CADPS2: variants seen among roughly 807,000 people sequenced by gnomAD.
CADPS2 encodes the protein calcium-dependent secretion activator 2.
Under a neutral mutation model 172.5 loss-of-function variants are expected in CADPS2, and 93 were observed. The ratio of observed to expected loss-of-function variants is 0.54; its 90% CI spans 0.46 to 0.64. CADPS2 has a LOEUF of 0.64. Ranked by LOEUF, CADPS2 falls within the 30% of genes least tolerant of loss-of-function variation. The pLI, the probability that CADPS2 is intolerant of heterozygous loss-of-function variation, is 0.00. For missense variants in CADPS2, 1,420 were observed against 1,565.9 expected, an observed-to-expected ratio of 0.91 and a Z score of 1.57; for synonymous variants, 546 against 555.2, an observed-to-expected ratio of 0.98 and a Z score of 0.23.
chr7:122,848,585 G>C (rs1363242777), intron 1 of CADPS2, among the ~76,000 whole-genome samples: 1 of 152,186 alleles, frequency 6.6e-6, no homozygotes, highest in Non-Finnish European at 1.5e-5. Context: ...TCAGATACTA[G>C]AAAGAGGCAA....
chr7:122,820,402 G>A (rs1025263382), intron 1 of CADPS2, among the ~76,000 whole-genome samples: 1 of 151,818 alleles, frequency 6.6e-6, no homozygotes, highest in Non-Finnish European at 1.5e-5. Context: ...AATTGCATCC[G>A]ACTGATCTCT....
intron 2 of CADPS2, among the ~76,000 whole-genome samples, chr7:122,697,408 T>C (rs2085289572): frequency 6.6e-6 from 1 of 152,220 alleles, no homozygotes; most frequent in East Asian, 1.9e-4. Flanking sequence ...TCAAACTTAA[T>C]TGATACTTTC....
intron 25 of CADPS2, among the ~76,000 whole-genome samples, chr7:122,376,975 T>C (rs1456389357): frequency 3.9e-5 from 6 of 152,266 alleles, no homozygotes; most frequent in South Asian, 4.1e-4. Context: ...TCATCTCTTA[T>C]AGAAGCTTGA....
Position 122,490,069 on chromosome 7 carries a change from A to G in CADPS2, c.1852+12T>C, listed in dbSNP as rs765201152. The G allele has an allele frequency of 3.7e-6, 6 of 1,611,240 alleles. No individual in the cohort carries two copies. Among genetic ancestry groups the G allele is most frequent in the Non-Finnish European group, 5.1e-6 (6 of 1,178,068 alleles). ...TTAATTGATAATCAAATTATTTTTT[A>G]ACAAAACTTACAAAGCTGAGCATCT... is the stretch of plus-strand genomic sequence containing the variant. On this transcript the variant is annotated intron_variant, in intron 11 of 29. Transcript: ENST00000449022.
intron 16 of CADPS2, among the ~76,000 whole-genome samples, chr7:122,440,984 T>A (rs906554229): frequency 1.2e-4 from 19 of 152,160 alleles, no homozygotes; most frequent in African/African-American, 4.6e-4. Context: ...TGTTTGCTGG[T>A]TATTTTGTGG....
At chr7:122,841,135 AATGCCTAT>A (rs1335073674) in intron 1 of CADPS2, among the ~76,000 whole-genome samples, 1 of 152,198 alleles carries the variant, frequency 6.6e-6, no homozygotes, top group Non-Finnish European at 1.5e-5. Context: ...CTTTTTAGTT[AATGCCTAT>A]ATTTCTTGGA....
At chr7:122,617,169 T>C (rs370794040) in intron 5 of CADPS2, among the ~76,000 whole-genome samples, 3 of 152,144 alleles carry the variant, frequency 2.0e-5, no homozygotes, top group African/African-American at 7.2e-5. Context: ...TCCTAAAACA[T>C]ACAACTTGTG....
At chr7:122,391,962 TCTTA>T (rs1222327349) in intron 22 of CADPS2, among the ~76,000 whole-genome samples, 1 of 152,134 alleles carries the variant, frequency 6.6e-6, no homozygotes, top group Non-Finnish European at 1.5e-5. Context: ...AAGTTTGGTT[TCTTA>T]GTTTCTTTAT....
At chr7:122,780,211 G>A (rs1255812099) in intron 1 of CADPS2, among the ~76,000 whole-genome samples, 1 of 151,788 alleles carries the variant, frequency 6.6e-6, no homozygotes. Context: ...TTTACCATGT[G>A]CACTTGTTTT....
At chr7:122,638,189 C>A (rs2077257856) in intron 3 of CADPS2, among the ~76,000 whole-genome samples, 1 of 152,166 alleles carries the variant, frequency 6.6e-6, no homozygotes, top group Non-Finnish European at 1.5e-5. Context: ...CTCCCTAAGG[C>A]AGAGACTGTG....
chr7:122,426,807 T>C (rs939643201), intron 17 of CADPS2, among the ~76,000 whole-genome samples: 2 of 152,184 alleles, frequency 1.3e-5, no homozygotes, highest in Non-Finnish European at 2.9e-5. Flanking sequence ...TCTCTGGAGA[T>C]TGACAAATTC....
At chr7:122,513,474 C>T (rs1427517978) in intron 8 of CADPS2, among the ~76,000 whole-genome samples, 159 bp from the exon 9 acceptor site, 2 of 152,170 alleles carry the variant, frequency 1.3e-5, no homozygotes, top group African/African-American at 4.8e-5. Flanking sequence ...TTCTGTGATA[C>T]AAAATGAGTT....
chr7:122,442,395 G>T (rs2051472127), intron 15 of CADPS2, among the ~76,000 whole-genome samples: 1 of 152,142 alleles, frequency 6.6e-6, no homozygotes, highest in South Asian at 2.1e-4. Context: ...CAGGACTGCA[G>T]TTCCCACCTC....
At chr7:122,800,640 A>G (rs1370970776) in intron 1 of CADPS2, among the ~76,000 whole-genome samples, 1 of 152,202 alleles carries the variant, frequency 6.6e-6, no homozygotes, top group Non-Finnish European at 1.5e-5. Flanking sequence ...TGAGGCTTCA[A>G]TAATAGAGCT....
intron 6 of CADPS2, among the ~76,000 whole-genome samples, chr7:122,614,334 C>T (rs1371767096): frequency 6.6e-6 from 1 of 152,074 alleles, no homozygotes; most frequent in Non-Finnish European, 1.5e-5. Flanking sequence ...ATCTCCCTAT[C>T]CTGCCTGCTC....
At chr7:122,418,373 G>T (rs1353254563) in intron 17 of CADPS2, among the ~76,000 whole-genome samples, 4 of 152,200 alleles carry the variant, frequency 2.6e-5, no homozygotes, top group Non-Finnish European at 1.5e-5. Context: ...GTGGGCTCTT[G>T]TACTTGCCTG....
At chr7:122,693,996 G>A (rs2084748859) in intron 2 of CADPS2, among the ~76,000 whole-genome samples, 1 of 151,992 alleles carries the variant, frequency 6.6e-6, no homozygotes, top group South Asian at 2.1e-4. Context: ...GATTACTGAA[G>A]GATTTTTCAA....
intron 1 of CADPS2, among the ~76,000 whole-genome samples, chr7:122,779,071 C>T (rs574223777): frequency 1.5e-4 from 23 of 152,314 alleles, no homozygotes; most frequent in East Asian, 1.2e-3. Flanking sequence ...TCTGCCACCA[C>T]GTAAGATGTA....
intron 1 of CADPS2, among the ~76,000 whole-genome samples, chr7:122,859,160 T>C (rs1816205156): frequency 6.6e-6 from 1 of 152,228 alleles, no homozygotes; most frequent in South Asian, 2.1e-4. Context: ...TGCTTAATAT[T>C]TTCAATTTCA....
Sources: gnomAD v4.1 joint callset for allele counts (sites outside exome capture counted in the v4.1 genomes callset) on GRCh38, gnomAD v4.1.1 for gene constraint, MANE v1.5 for transcripts, NCBI Gene and HGNC (gene_info 2026-07-23, HGNC 2026-07-21) for gene names.